The following CDH4 variants were observed in gnomAD, a reference collection of about 807,000 sequenced individuals.
CDH4 encodes cadherin-4.
A neutral mutation model predicts 86.0 loss-of-function variants in CDH4; 33 were observed. The ratio of observed to expected loss-of-function variants is 0.38; its 90% CI spans 0.29 to 0.51. The LOEUF (loss-of-function observed/expected upper bound fraction) is 0.51, where lower values mean the gene tolerates loss of function less well. CDH4 is among the 20% of genes least tolerant of loss of function. The pLI is 0.86. For missense variants in CDH4, 1,114 were observed against 1,307.4 expected (o/e 0.85, Z 2.28); for synonymous variants, 555 against 549.4 (o/e 1.01, Z -0.14).
intron 2 of CDH4, among the ~76,000 whole-genome samples, chr20:61,423,784 C>T (rs1047470980): frequency 1.3e-5 from 2 of 152,162 alleles, no homozygotes; most frequent in Non-Finnish European, 2.9e-5. Flanking sequence ...TCTCAGCATC[C>T]GAGCAAGCAG....
intron 4 of CDH4, among the ~76,000 whole-genome samples, chr20:61,826,338 C>A (rs887086721): frequency 2.6e-5 from 4 of 152,262 alleles, no homozygotes; most frequent in African/African-American, 9.6e-5. Flanking sequence ...AGCGCCTCTG[C>A]CTTCCCAAGC....
At chr20:61,453,923 CT>C (rs2085393309) in intron 2 of CDH4, among the ~76,000 whole-genome samples, 1 of 152,182 alleles carries the variant, frequency 6.6e-6, no homozygotes, top group Non-Finnish European at 1.5e-5. Context: ...GCTTTTCCCT[CT>C]TTTGCTCTGC....
At chr20:61,635,440 C>T (rs1280682386) in intron 2 of CDH4, among the ~76,000 whole-genome samples, 2 of 152,228 alleles carry the variant, frequency 1.3e-5, no homozygotes, top group Non-Finnish European at 2.9e-5. Context: ...CTCACCCATC[C>T]TGTGCCCAAG....
chr20:61,528,941 G>T (rs73152010), intron 2 of CDH4, among the ~76,000 whole-genome samples: 1 of 152,048 alleles, frequency 6.6e-6, no homozygotes, highest in Admixed American at 6.5e-5. Flanking sequence ...CTGATGTGGG[G>T]AATTAGACAT....
intron 2 of CDH4, among the ~76,000 whole-genome samples, chr20:61,437,955 G>A (rs775755572): frequency 6.6e-6 from 1 of 152,186 alleles, no homozygotes; most frequent in Non-Finnish European, 1.5e-5. Context: ...AGCTTCATGG[G>A]CCGGATGTCC....
intron 2 of CDH4, among the ~76,000 whole-genome samples, chr20:61,558,711 C>T (rs80133111): frequency 0.036 from 5,531 of 152,322 alleles, 247 homozygotes; most frequent in African/African-American, 0.11. Flanking sequence ...GCATCCCGTG[C>T]GTCCCGTCTT....
intron 2 of CDH4, among the ~76,000 whole-genome samples, chr20:61,257,861 G>A (rs938737126): frequency 6.6e-6 from 1 of 152,230 alleles, no homozygotes; most frequent in Non-Finnish European, 1.5e-5. Flanking sequence ...TTCATAACTC[G>A]TAGAGGCGGG....
chr20:61,336,826 G>A (rs556580350), intron 2 of CDH4, among the ~76,000 whole-genome samples: 13 of 152,300 alleles, frequency 8.5e-5, no homozygotes, highest in East Asian at 3.9e-4. Context: ...GGACTGAGAC[G>A]TGTTCCTTCC....
rs1485794981 is a variant in CDH4, at chr20:61,924,484, C to A, written c.1771+8C>A. 1.2e-6 allele frequency: 2 copies of A among 1,611,736 alleles called. No homozygotes were observed. The highest frequency in any genetic ancestry group is 1.7e-6 in the Non-Finnish European group (2 of 1,179,084). On this transcript the variant is annotated splice_region_variant and intron_variant, in intron 11 of 15. Transcript: ENST00000614565. ...TCCTGGCAGCTGACAATGGTGCGGC[C>A]CACCCCAGGGAGGCAGCCGTCTCGG...
chr20:61,814,870 C>T (rs1457617366), intron 4 of CDH4, among the ~76,000 whole-genome samples: 1 of 152,168 alleles, frequency 6.6e-6, no homozygotes, highest in Admixed American at 6.5e-5. Context: ...CTGATCCCTG[C>T]AAGGTGCTGA....
chr20:61,734,200 G>A (rs752854421), intron 2 of CDH4, among the ~76,000 whole-genome samples: 1 of 152,238 alleles, frequency 6.6e-6, no homozygotes. Context: ...CTGGGGGCTG[G>A]GGGGAGATGT....
rs116912527 is a variant in CDH4 at position 61,515,876 on chromosome 20, C to A, written c.170-227687C>A. 3.3e-5 allele frequency among the ~76,000 whole-genome samples: 5 copies of A among 152,298 alleles called. No individual in the cohort carries two copies. The South Asian group carries it at 8.3e-4, about 25-fold the overall frequency. ...TCTCGCTCTTTCTCATTTGCTCGCT[C>A]GCTCTCTGTTTCCCGCGTGGCTTGC... On this transcript the variant is annotated intron_variant, in intron 2 of 15. Coordinates refer to ENST00000614565, the MANE Select transcript of CDH4 (RefSeq NM_001794.5).
chr20:61,805,664 C>A (rs1212240462), intron 4 of CDH4, among the ~76,000 whole-genome samples: 1 of 152,166 alleles, frequency 6.6e-6, no homozygotes, highest in Non-Finnish European at 1.5e-5. Flanking sequence ...TACCGCATGG[C>A]AGAGGTATGT....
intron 2 of CDH4, among the ~76,000 whole-genome samples, chr20:61,652,701 C>G (rs534427855): frequency 6.6e-6 from 1 of 151,722 alleles, no homozygotes; most frequent in East Asian, 1.9e-4. Context: ...AGAGAAAAGC[C>G]ACTCAAATTC....
intron 2 of CDH4, among the ~76,000 whole-genome samples, chr20:61,389,434 T>A (rs2084969119): frequency 6.6e-6 from 1 of 152,276 alleles, no homozygotes; most frequent in Non-Finnish European, 1.5e-5. Context: ...TCTGGTCCAC[T>A]ACAGTATTTC....
At chr20:61,607,053 C>G (rs2086651363) in intron 2 of CDH4, among the ~76,000 whole-genome samples, 1 of 152,244 alleles carries the variant, frequency 6.6e-6, no homozygotes, top group Non-Finnish European at 1.5e-5. Flanking sequence ...CCATATCCTG[C>G]TCTGTTGACC....
At chr20:61,551,138 G>T (rs2086126613) in intron 2 of CDH4, among the ~76,000 whole-genome samples, 1 of 152,218 alleles carries the variant, frequency 6.6e-6, no homozygotes, top group Admixed American at 6.5e-5. Flanking sequence ...TGTCTATGAA[G>T]CACTTAGATT....
intron 4 of CDH4, among the ~76,000 whole-genome samples, chr20:61,823,464 T>G (rs1981160673): frequency 6.6e-6 from 1 of 151,976 alleles, no homozygotes; most frequent in African/African-American, 2.4e-5. Context: ...CCACCTTGTC[T>G]TGAGCACTTC....
intron 2 of CDH4, among the ~76,000 whole-genome samples, chr20:61,447,624 CTTTT>C (rs11204461): frequency 7.4e-4 from 76 of 102,028 alleles, no homozygotes; most frequent in African/African-American, 2.6e-3. Context: ...ATTCTACTTC[CTTTT>C]TTTTTTTTTT....
Sources: allele counts gnomAD v4.1 joint callset (sites outside exome capture counted in the v4.1 genomes callset), GRCh38; gene constraint gnomAD v4.1.1; transcripts MANE v1.5; gene names NCBI Gene and HGNC (gene_info 2026-07-23, HGNC 2026-07-21).